RNF13: variants seen among roughly 807,000 people sequenced by gnomAD.
RNF13 encodes the protein E3 ubiquitin-protein ligase RNF13.
Under a neutral mutation model 37.7 loss-of-function variants are expected in RNF13, and 19 were observed. The ratio of observed to expected loss-of-function variants is 0.50; its 90% CI spans 0.35 to 0.74. The LOEUF is 0.74. Ranked by LOEUF, RNF13 falls within the 30% of genes least tolerant of loss-of-function variation. The pLI is 0.01. For synonymous variants in RNF13, 144 were observed against 157.8 expected (o/e 0.91, Z 0.65); for missense variants, 375 against 453.0 (o/e 0.83, Z 1.56).
chr3:149,858,368 C>A (rs902230815), intron 3 of RNF13, among the ~76,000 whole-genome samples: 3 of 152,134 alleles, frequency 2.0e-5, no homozygotes, highest in Non-Finnish European at 4.4e-5. Context: ...AATTTAGTTA[C>A]ACATTGAGGG....
intron 8 of RNF13, among the ~76,000 whole-genome samples, chr3:149,934,804 A>C (rs563009112): frequency 6.6e-6 from 1 of 151,966 alleles, no homozygotes; most frequent in African/African-American, 2.4e-5. Context: ...TTTTGTAGAG[A>C]TGAGGTTTTA....
At chr3:149,814,656 G>A (rs1472817052) in intron 1 of RNF13, among the ~76,000 whole-genome samples, 1 of 152,202 alleles carries the variant, frequency 6.6e-6, no homozygotes, top group Non-Finnish European at 1.5e-5. Context: ...TTAACAGTAT[G>A]TGTGTGTCAA....
chr3:149,926,599 T>C (rs1718680287), intron 8 of RNF13, among the ~76,000 whole-genome samples: 1 of 152,226 alleles, frequency 6.6e-6, no homozygotes, highest in Non-Finnish European at 1.5e-5. Flanking sequence ...TTTTTGTCTT[T>C]TGTGTTTAAT....
intron 8 of RNF13, among the ~76,000 whole-genome samples, chr3:149,941,889 ATATTTATT>A (rs58521010): frequency 2.1e-5 from 3 of 144,352 alleles, no homozygotes; most frequent in South Asian, 2.2e-4. Context: ...GTCCAGCTTA[ATATTTATT>A]TATTTATTTA....
At chr3:149,814,281 C>T (rs184973180) in intron 1 of RNF13, 1 of 152,328 alleles carries the variant, frequency 6.6e-6, no homozygotes, top group East Asian at 1.9e-4. Context: ...AGTAAGGTGG[C>T]TGTGCCTCCA....
intron 1 of RNF13, among the ~76,000 whole-genome samples, chr3:149,832,859 A>G (rs796173095): frequency 2.0e-5 from 3 of 152,270 alleles, no homozygotes; most frequent in Non-Finnish European, 2.9e-5. Flanking sequence ...GCACAGACCT[A>G]TGGGAGATTG....
At position 149,929,350 on chromosome 3, in the gene RNF13, G is replaced by A. The variant is rs9876226; in HGVS notation, c.700+8123G>A. 7.2e-4 allele frequency among the ~76,000 whole-genome samples: 110 copies of A among 151,986 alleles called. 1 individual carries two copies. The highest frequency in any genetic ancestry group is 1.1e-3 in the Non-Finnish European group (78 of 67,954). ...TGAGACTCACTATCATGACAATAGC[G>A]TGGGGGAAACTGCCCCCATGATCCA... On this transcript the variant is annotated intron_variant, in intron 8 of 9. Transcript: ENST00000392894.
intron 5 of RNF13, among the ~76,000 whole-genome samples, chr3:149,901,838 CTA>C (rs1478721865): frequency 6.6e-6 from 1 of 152,104 alleles, no homozygotes; most frequent in Non-Finnish European, 1.5e-5. Context: ...ATCTTATAGA[CTA>C]TTGAGAGAAT....
intron 8 of RNF13, among the ~76,000 whole-genome samples, chr3:149,950,067 A>G (rs1295682108): frequency 1.3e-5 from 2 of 152,182 alleles, no homozygotes; most frequent in African/African-American, 2.4e-5. Flanking sequence ...AGATGTGTCC[A>G]GTATACTAAT....
intron 4 of RNF13, among the ~76,000 whole-genome samples, chr3:149,889,096 G>A (rs544734079): frequency 5.7e-4 from 87 of 151,574 alleles, no homozygotes; most frequent in African/African-American, 2.0e-3. Context: ...GTGCCACCAC[G>A]CCCAGCCAAT....
chr3:149,853,787 T>C (rs942890798), intron 3 of RNF13, among the ~76,000 whole-genome samples: 2 of 151,770 alleles, frequency 1.3e-5, no homozygotes, highest in Non-Finnish European at 2.9e-5. Context: ...TGTGTGGATA[T>C]GTACCATAGA....
At chr3:149,855,163 A>G (rs958629708) in intron 3 of RNF13, among the ~76,000 whole-genome samples, 1 of 152,138 alleles carries the variant, frequency 6.6e-6, no homozygotes, top group African/African-American at 2.4e-5. Flanking sequence ...ACCAAAAAAT[A>G]TAAAAAGTAG....
At chr3:149,819,340 T>A (rs1719802018) in intron 1 of RNF13, among the ~76,000 whole-genome samples, 1 of 152,182 alleles carries the variant, frequency 6.6e-6, no homozygotes, top group Admixed American at 6.5e-5. Context: ...TTTTTTAAAA[T>A]AGAGCAAAAT....
In RNF13 at chr3:149,813,221, GTGT is replaced by G. The variant is rs1719076648; in HGVS notation, c.-145_-143del. 1 of 152,466 alleles carries G rather than the reference GTGT, an allele frequency of 6.6e-6. No individual in the cohort carries two copies. The highest frequency in any genetic ancestry group is 2.4e-5 in the African/African-American group (1 of 41,446). 9.4% of individuals were successfully genotyped at this position (152,466 alleles called of 1,614,324 possible). ...GGGGCGGGACTTCCGCTTCGCCTAG[GTGT>G]TGTCGTCCCTGCTAGTACTCCGGGC... On this transcript the variant is annotated 5_prime_UTR_variant, in exon 1 of 10. Transcript: ENST00000392894.
At chr3:149,897,565 TC>T (rs1434741432) in intron 5 of RNF13, among the ~76,000 whole-genome samples, 1 of 152,232 alleles carries the variant, frequency 6.6e-6, no homozygotes, top group Non-Finnish European at 1.5e-5. Context: ...GAGTTGTTGT[TC>T]AAAGACTGCT....
At chr3:149,904,377 T>TATC (rs1212354909) in intron 6 of RNF13, among the ~76,000 whole-genome samples, 16 of 151,968 alleles carry the variant, frequency 1.1e-4, no homozygotes, top group Admixed American at 3.9e-4. Flanking sequence ...GCTAAATTAT[T>TATC]ATCATTATTA....
Position 149,961,111 on chromosome 3 carries a change from G to C in RNF13, c.*7G>C, listed in dbSNP as rs561028680. 6.3e-7 allele frequency: 1 copy of C among 1,587,214 alleles called. No individual in the cohort carries two copies. Among genetic ancestry groups the C allele is most frequent in the African/African-American group, 1.3e-5 (1 of 74,292 alleles). On this transcript the variant is annotated 3_prime_UTR_variant, in exon 10 of 10. Coordinates refer to ENST00000392894, the MANE Select transcript of RNF13 (RefSeq NM_183381.3). ...CATAGCAAATACTGTTTGACTTTCAGAAGATGATTGGTTTATTTCCCTTTA... is the reference window on the plus strand; with the variant it reads ...CATAGCAAATACTGTTTGACTTTCACAAGATGATTGGTTTATTTCCCTTTA...
chr3:149,827,066 A>G (rs1387549947), intron 1 of RNF13, among the ~76,000 whole-genome samples: 1 of 152,140 alleles, frequency 6.6e-6, no homozygotes, highest in Non-Finnish European at 1.5e-5. Context: ...CCATATTTAT[A>G]TATTTTTAAA....
intron 2 of RNF13, among the ~76,000 whole-genome samples, chr3:149,847,005 TG>T (rs2108377903): frequency 1.3e-5 from 2 of 152,290 alleles, no homozygotes; most frequent in African/African-American, 4.8e-5. Context: ...TCCTCCACAC[TG>T]GGGAGTATAC....
Sources: allele counts gnomAD v4.1 joint callset (sites outside exome capture counted in the v4.1 genomes callset), GRCh38; gene constraint gnomAD v4.1.1; transcripts MANE v1.5; gene names NCBI Gene and HGNC (gene_info 2026-07-23, HGNC 2026-07-21).